Variants in PARN observed in about 807,000 individuals in gnomAD.
PARN encodes the protein poly(A)-specific ribonuclease, also known as poly(A)-specific ribonuclease PARN.
In PARN, 71 loss-of-function variants were observed where a neutral mutation model predicts 102.8. That is an observed-to-expected ratio of 0.69 (90% CI 0.57 to 0.84). PARN has a LOEUF of 0.84. Among genes scored for constraint, PARN ranks in the 40% least tolerant of loss-of-function variants. PARN has a pLI of 0.00. For missense variants in PARN, 782 were observed against 760.9 expected, an observed-to-expected ratio of 1.03 and a Z score of -0.33; for synonymous variants, 261 against 252.9, an observed-to-expected ratio of 1.03 and a Z score of -0.30.
chr16:14,549,424 G>A (rs1967159295), intron 21 of PARN, among the ~76,000 whole-genome samples: 1 of 152,152 alleles, frequency 6.6e-6, no homozygotes, highest in South Asian at 2.1e-4. Flanking sequence ...ACTGCCCTCA[G>A]GAAACCAATG....
chr16:14,491,214 T>TTG (rs1964041349), intron 21 of PARN, among the ~76,000 whole-genome samples: 1 of 150,634 alleles, frequency 6.6e-6, no homozygotes, highest in Non-Finnish European at 1.5e-5. Flanking sequence ...CATTCTATTC[T>TTG]GTTAAACCCT....
chr16:14,454,544 G>A lies in PARN; in HGVS notation c.1671-7463C>T, dbSNP rs72787627. On this transcript the variant is annotated intron_variant, in intron 22 of 23. Transcript: ENST00000437198. ...TCTTCTACCAGTGGTTATCATTTTA[G>A]TTCTTCCATTTAGTTCTATGAGTCG... Among the ~76,000 whole-genome samples the A allele has an allele frequency of 2.3e-3, 357 of 151,960 alleles. 6 individuals are homozygous for A. The highest frequency in any genetic ancestry group is 0.02 in the Middle Eastern group (6 of 294).
chr16:14,516,148 A>G (rs1965445598), intron 21 of PARN, among the ~76,000 whole-genome samples: 1 of 151,976 alleles, frequency 6.6e-6, no homozygotes, highest in Admixed American at 6.5e-5. Context: ...GAAACAGATA[A>G]TTAAAAGATA....
Position 14,475,752 on chromosome 16 carries a change from C to T in PARN, c.1670+6886G>A, listed in dbSNP as rs117170135. 4.4e-3 allele frequency among the ~76,000 whole-genome samples: 671 copies of T among 152,342 alleles called. 6 individuals carry two copies. The highest frequency in any genetic ancestry group is 4.2e-3 in the Non-Finnish European group (285 of 68,040). On this transcript the variant is annotated intron_variant, in intron 22 of 23. Coordinates refer to ENST00000437198, the MANE Select transcript of PARN (RefSeq NM_002582.4). ...GCCTGTCTTCCTCTCGACCATAGTG[C>T]CGCCCTCCAAATCTTAATCGTACCT...
rs116082127 is a variant in PARN, at chr16:14,523,843, G to A, written c.1480+28178C>T. 4.1e-3 allele frequency among the ~76,000 whole-genome samples: 621 copies of A among 152,158 alleles called. 9 individuals carry two copies. The highest frequency in any genetic ancestry group is 0.014 in the African/African-American group (601 of 41,508). On this transcript the variant is annotated intron_variant, in intron 21 of 23. Transcript: ENST00000437198. Reference sequence around the variant, plus strand: ...CACTTGTTGCCTAATGAAGGGGTATGTTCTGAGGAATGCATTGCTGTGTGA... The same window carrying A: ...CACTTGTTGCCTAATGAAGGGGTATATTCTGAGGAATGCATTGCTGTGTGA...
intron 21 of PARN, among the ~76,000 whole-genome samples, chr16:14,542,358 A>C (rs531525622): frequency 2.7e-5 from 4 of 148,540 alleles, no homozygotes; most frequent in South Asian, 2.1e-4. Context: ...GTCTCGCTGT[A>C]TCTCTCAGGC....
chr16:14,444,404 GA>G (rs1468259919), intron 23 of PARN, among the ~76,000 whole-genome samples: 4 of 150,698 alleles, frequency 2.7e-5, no homozygotes, highest in Non-Finnish European at 5.9e-5. Context: ...TCAATGGGAG[GA>G]AAAAAACCCT....
intron 8 of PARN, 108 bp downstream of exon 8, chr16:14,608,950 T>C (rs1242198101): frequency 7.7e-6 from 5 of 653,082 alleles, no homozygotes; most frequent in Non-Finnish European, 1.4e-5. Flanking sequence ...ATAGCAATAA[T>C]AAAAAGACCC....
At chr16:14,457,070 TAAATG>T (rs1313171500) in intron 22 of PARN, among the ~76,000 whole-genome samples, 1 of 152,116 alleles carries the variant, frequency 6.6e-6, no homozygotes, top group Non-Finnish European at 1.5e-5. Context: ...ATGGATAAAA[TAAATG>T]AAATAAGTGA....
chr16:14,440,198 G>C lies in PARN; in HGVS notation c.1865-3426C>G, dbSNP rs182053173. On this transcript the variant is annotated intron_variant, in intron 23 of 23. Coordinates refer to ENST00000437198, the MANE Select transcript of PARN (RefSeq NM_002582.4). ...CTAGAACAAAGGGAAAAAATGAAAA[G>C]ATATTTCACCAAATAAGAAATCTGG... Among the ~76,000 whole-genome samples the C allele has an allele frequency of 1.7e-3, 261 of 152,306 alleles. 1 individual carries two copies. Among genetic ancestry groups the C allele is most frequent in the Non-Finnish European group, 3.3e-3 (227 of 68,030 alleles).
intron 21 of PARN, among the ~76,000 whole-genome samples, chr16:14,509,146 A>AG (rs1965057260): frequency 6.6e-6 from 1 of 152,148 alleles, no homozygotes; most frequent in African/African-American, 2.4e-5. Flanking sequence ...AGGTTACAGT[A>AG]GGTAAGATGT....
At chr16:14,445,717 C>A (rs934164066) in intron 23 of PARN, among the ~76,000 whole-genome samples, 2 of 152,206 alleles carry the variant, frequency 1.3e-5, no homozygotes, top group African/African-American at 4.8e-5. Context: ...CATGCGCCAC[C>A]ACACCTGGCT....
chr16:14,528,622 G>C (rs548145598), intron 21 of PARN, among the ~76,000 whole-genome samples: 1 of 152,212 alleles, frequency 6.6e-6, no homozygotes, highest in African/African-American at 2.4e-5. Flanking sequence ...GACTGATGTG[G>C]GGGGGAAAGT....
chr16:14,564,744 A>G (rs148068458), intron 18 of PARN, among the ~76,000 whole-genome samples: 1 of 152,212 alleles, frequency 6.6e-6, no homozygotes, highest in Non-Finnish European at 1.5e-5. Context: ...CAAGCCCCCA[A>G]ACTCTTTATC....
intron 18 of PARN, among the ~76,000 whole-genome samples, chr16:14,580,659 A>C (rs1460104749): frequency 6.6e-6 from 1 of 151,722 alleles, no homozygotes; most frequent in Non-Finnish European, 1.5e-5. Flanking sequence ...TACGTCTAGC[A>C]ATGTTTTCTT....
chr16:14,579,227 C>A (rs1430545685), intron 18 of PARN, among the ~76,000 whole-genome samples: 2 of 152,218 alleles, frequency 1.3e-5, no homozygotes, highest in Non-Finnish European at 2.9e-5. Flanking sequence ...CTTGTTCTCC[C>A]AAAGTGCTGG....
intron 11 of PARN, among the ~76,000 whole-genome samples, chr16:14,602,517 TGGAACATCTTTTTCCACTCTGGG>T (rs1437658056): frequency 8.5e-5 from 13 of 152,174 alleles, no homozygotes; most frequent in Admixed American, 2.6e-4. Flanking sequence ...AAAACCAGAA[TGGAACATCTTTTTCCACTCTGGG>T]GGAACATCTT....
intron 22 of PARN, among the ~76,000 whole-genome samples, chr16:14,481,234 G>A (rs1826914564): frequency 6.6e-6 from 1 of 152,104 alleles, no homozygotes; most frequent in African/African-American, 2.4e-5. Context: ...CAATTCAAAT[G>A]TCCAACATCA....
chr16:14,509,679 A>G (rs946081765), intron 21 of PARN, among the ~76,000 whole-genome samples: 1 of 152,198 alleles, frequency 6.6e-6, no homozygotes, highest in Non-Finnish European at 1.5e-5. Context: ...GAGCACTTGA[A>G]AGATACTTTT....
Sources: gnomAD v4.1 joint callset for allele counts (sites outside exome capture counted in the v4.1 genomes callset) on GRCh38, gnomAD v4.1.1 for gene constraint, MANE v1.5 for transcripts, NCBI Gene and HGNC (gene_info 2026-07-23, HGNC 2026-07-21) for gene names.